Variants in ANAPC10 observed in about 807,000 individuals in gnomAD.
The protein encoded by ANAPC10 is anaphase promoting complex subunit 10, also known as anaphase-promoting complex subunit 10.
Under a neutral mutation model 22.0 loss-of-function variants are expected in ANAPC10, and 12 were observed. That is an observed-to-expected ratio of 0.55 (90% CI 0.35 to 0.88). The LOEUF is 0.88. Among genes scored for constraint, ANAPC10 ranks in the 40% least tolerant of loss-of-function variants. The pLI, the probability that ANAPC10 is intolerant of heterozygous loss-of-function variation, is 0.01. For missense variants in ANAPC10, 188 were observed against 220.9 expected (o/e 0.85, Z 0.94); for synonymous variants, 65 against 69.5 (o/e 0.94, Z 0.32).
At chr4:145,075,159 C>T (rs1208372979) in intron 3 of ANAPC10, among the ~76,000 whole-genome samples, 1 of 152,096 alleles carries the variant, frequency 6.6e-6, no homozygotes, top group Non-Finnish European at 1.5e-5. Context: ...CAAAATCATA[C>T]TAGCTTTTTT....
chr4:145,090,838 C>T (rs1434225562), intron 2 of ANAPC10, among the ~76,000 whole-genome samples: 1 of 152,180 alleles, frequency 6.6e-6, no homozygotes, highest in Non-Finnish European at 1.5e-5. Flanking sequence ...ACTTCCTCCA[C>T]TAAATTGTGA....
intron 2 of ANAPC10, among the ~76,000 whole-genome samples, chr4:145,087,465 G>A (rs376383360): frequency 4.0e-5 from 6 of 151,860 alleles, no homozygotes; most frequent in African/African-American, 7.3e-5. Flanking sequence ...TCTGCTAGGG[G>A]GCTATTTTAA....
intron 3 of ANAPC10, 25 bp from the exon 4 acceptor site, chr4:145,064,717 C>G: frequency 6.7e-7 from 1 of 1,484,642 alleles, no homozygotes; most frequent in Non-Finnish European, 9.0e-7. Flanking sequence ...GTAAAAATAA[C>G]ATGCACTTCA....
chr4:145,031,857 T>C (rs577762308), intron 4 of ANAPC10, among the ~76,000 whole-genome samples: 2 of 152,342 alleles, frequency 1.3e-5, no homozygotes, highest in African/African-American at 4.8e-5. Context: ...TGTTTGACTA[T>C]GGGTCATCAA....
rs570970449 is a variant in ANAPC10, at chr4:145,097,212, A to C, written c.-13+908T>G. The C allele has an allele frequency of 5.8e-5, 19 of 329,356 alleles. 1 individual carries two copies. Among genetic ancestry groups the C allele is most frequent in the South Asian group, 4.6e-4 (19 of 41,060 alleles). The allele number at this position is 329,356 out of a possible 1,614,324, so 20.4% of individuals were successfully genotyped here. ...GCAAGACACTGTCCCAAAAAGCACA[A>C]AAATAAGAAAAAAATGTTAAAAGTT... On this transcript the variant is annotated intron_variant, in intron 1 of 4. Coordinates refer to ENST00000507656, the MANE Select transcript of ANAPC10 (RefSeq NM_001256706.2).
At chr4:145,071,740 AAAG>A (rs1744519733) in intron 3 of ANAPC10, among the ~76,000 whole-genome samples, 2 of 152,160 alleles carry the variant, frequency 1.3e-5, no homozygotes, top group South Asian at 2.1e-4. Context: ...ACCATGTAAA[AAAG>A]AAGATGATTA....
intron 2 of ANAPC10, among the ~76,000 whole-genome samples, chr4:145,089,269 A>C (rs1747328335): frequency 1.3e-5 from 2 of 152,164 alleles, no homozygotes; most frequent in African/African-American, 4.8e-5. Flanking sequence ...CAGAATTTAC[A>C]ACATCCCATT....
At chr4:145,061,785 T>C (rs1310866589) in intron 4 of ANAPC10, among the ~76,000 whole-genome samples, 16 of 152,140 alleles carry the variant, frequency 1.1e-4, no homozygotes, top group Admixed American at 9.2e-4. Context: ...GTATCAGATA[T>C]GTGACTAAAA....
At chr4:145,045,671 G>T (rs1033163054) in intron 4 of ANAPC10, among the ~76,000 whole-genome samples, 4 of 151,880 alleles carry the variant, frequency 2.6e-5, no homozygotes, top group African/African-American at 7.2e-5. Flanking sequence ...ATGTATACGT[G>T]ATCTTCTACA....
chr4:145,050,762 T>C (rs1184903354), intron 4 of ANAPC10, among the ~76,000 whole-genome samples: 1 of 152,206 alleles, frequency 6.6e-6, no homozygotes, highest in Non-Finnish European at 1.5e-5. Flanking sequence ...GCTTTTCTTC[T>C]GTAGCTTCCT....
intron 4 of ANAPC10, among the ~76,000 whole-genome samples, chr4:145,046,550 G>A (rs1439450501): frequency 6.6e-6 from 1 of 152,054 alleles, no homozygotes; most frequent in African/African-American, 2.4e-5. Context: ...GCTCCAGTAT[G>A]TGAAGTTATT....
chr4:145,042,013 A>G (rs1739594383), intron 4 of ANAPC10, among the ~76,000 whole-genome samples: 1 of 152,190 alleles, frequency 6.6e-6, no homozygotes, highest in East Asian at 1.9e-4. Context: ...AATAATTCCA[A>G]TAAACCTTTG....
At chr4:145,066,482 CT>C (rs892819559) in intron 3 of ANAPC10, among the ~76,000 whole-genome samples, 41 of 146,038 alleles carry the variant, frequency 2.8e-4, no homozygotes, top group Admixed American at 5.5e-4. Flanking sequence ...CTCTTAAGAA[CT>C]TTTTTTTTTT....
At chr4:145,087,167 AT>A (rs1747017270) in intron 2 of ANAPC10, among the ~76,000 whole-genome samples, 2 of 152,116 alleles carry the variant, frequency 1.3e-5, no homozygotes, top group East Asian at 1.9e-4. Context: ...CACAAAGTAA[AT>A]TTGGCTGATC....
At chr4:145,048,989 T>C (rs930666750) in intron 4 of ANAPC10, among the ~76,000 whole-genome samples, 1 of 152,194 alleles carries the variant, frequency 6.6e-6, no homozygotes, top group Non-Finnish European at 1.5e-5. Flanking sequence ...AGCAATAAAG[T>C]GAGTATCACA....
intron 4 of ANAPC10, among the ~76,000 whole-genome samples, chr4:145,020,744 A>G (rs976285074): frequency 6.6e-6 from 1 of 152,164 alleles, no homozygotes; most frequent in African/African-American, 2.4e-5. Flanking sequence ...TTCCAGATAC[A>G]AGAATAATGT....
chr4:145,026,945 A>ATATATATATATGTG lies in ANAPC10; in HGVS notation c.328-31343_328-31342insCACATATATATATA, dbSNP rs1287102797. 3.3e-3 allele frequency among the ~76,000 whole-genome samples: 56 copies of ATATATATATATGTG among 17,144 alleles called. 1 individual carries two copies. Among genetic ancestry groups the ATATATATATATGTG allele is most frequent in the African/African-American group, 5.5e-3 (35 of 6,420 alleles). 11.2% of individuals were successfully genotyped at this position (17,144 alleles called of 152,430 possible). ...CATATATATATATATATATATATAT[A>ATATATATATATGTG]TGTGTGTGTGTGTATATATATATAT... On this transcript the variant is annotated intron_variant, in intron 4 of 4. Coordinates refer to ENST00000507656, the MANE Select transcript of ANAPC10 (RefSeq NM_001256706.2).
chr4:145,056,304 T>C (rs1742064403), intron 4 of ANAPC10, among the ~76,000 whole-genome samples: 2 of 152,124 alleles, frequency 1.3e-5, no homozygotes, highest in Non-Finnish European at 2.9e-5. Context: ...ACCAGCACCA[T>C]GACAGTTTAC....
chr4:145,023,632 T>C (rs561815041), intron 4 of ANAPC10, among the ~76,000 whole-genome samples: 3 of 152,304 alleles, frequency 2.0e-5, no homozygotes, highest in African/African-American at 7.2e-5. Flanking sequence ...CTAGAGTCTA[T>C]TAAGTATGCA....
Sources: gnomAD v4.1 joint callset for allele counts (sites outside exome capture counted in the v4.1 genomes callset) on GRCh38, gnomAD v4.1.1 for gene constraint, MANE v1.5 for transcripts, NCBI Gene and HGNC (gene_info 2026-07-23, HGNC 2026-07-21) for gene names.